The following RPL22 variants were observed in gnomAD, a reference collection of about 807,000 sequenced individuals.
RPL22 encodes the protein ribosomal protein L22, also known as large ribosomal subunit protein eL22.
A neutral mutation model predicts 16.2 loss-of-function variants in RPL22; 4 were observed. That is an observed-to-expected ratio of 0.25 (90% CI 0.12 to 0.57). RPL22 has a LOEUF of 0.57. RPL22 is among the 20% of genes least tolerant of loss of function. The pLI is 0.92. For missense variants in RPL22, 83 were observed against 156.1 expected (o/e 0.53, Z 2.49); for synonymous variants, 43 against 54.8 (o/e 0.78, Z 0.95).
At chr1:6,188,871 C>T (rs564841742) in intron 3 of RPL22, among the ~76,000 whole-genome samples, 21 of 152,042 alleles carry the variant, frequency 1.4e-4, no homozygotes, top group South Asian at 8.3e-4. Flanking sequence ...CCTCAACCTC[C>T]GTCTCCCGGG....
intron 2 of RPL22, among the ~76,000 whole-genome samples, chr1:6,197,213 G>A (rs1484998649): frequency 6.6e-6 from 1 of 152,134 alleles, no homozygotes; most frequent in East Asian, 1.9e-4. Flanking sequence ...TGTATTTTTA[G>A]TGGAGACGGG....
rs1327092286 is a variant in RPL22 at position 6,186,243 on chromosome 1, ACAGT to A, written c.*425_*428del. The A allele has an allele frequency of 4.2e-6, 1 of 240,742 alleles. No individual in the cohort carries two copies. The highest frequency in any genetic ancestry group is 2.2e-5 in the African/African-American group (1 of 45,510). 14.9% of individuals were successfully genotyped at this position (240,742 alleles called of 1,614,324 possible). ...TGGCCCAGAAACCCGCATTTTATTG[ACAGT>A]CATTTTCCCACAGAGAATCTTAGAA... On this transcript the variant is annotated 3_prime_UTR_variant, in exon 4 of 4. Coordinates refer to ENST00000234875, the MANE Select transcript of RPL22 (RefSeq NM_000983.4).
At chr1:6,190,960 T>C (rs546173204) in intron 3 of RPL22, among the ~76,000 whole-genome samples, 22 of 152,258 alleles carry the variant, frequency 1.4e-4, no homozygotes, top group African/African-American at 3.1e-4. Context: ...CAGTGGTTCA[T>C]GCCTGTAATC....
chr1:6,186,643 T>G lies in RPL22; in HGVS notation c.*29A>C. ...TGGTTCCCAAGTTTTATTCAAGAAC[T>G]CATACAAAATTTTCCAGATAAATGA... On this transcript the variant is annotated 3_prime_UTR_variant, in exon 4 of 4. Coordinates refer to ENST00000234875, the MANE Select transcript of RPL22 (RefSeq NM_000983.4). 9 of 1,427,180 alleles carry G rather than the reference T, an allele frequency of 6.3e-6. No individual in the cohort carries two copies. The highest frequency in any genetic ancestry group is 8.6e-6 in the Non-Finnish European group (9 of 1,052,274). 88.4% of individuals were successfully genotyped at this position (1,427,180 alleles called of 1,614,324 possible).
intron 3 of RPL22, among the ~76,000 whole-genome samples, chr1:6,190,754 C>G (rs999980772): frequency 6.6e-6 from 1 of 152,186 alleles, no homozygotes; most frequent in Non-Finnish European, 1.5e-5. Flanking sequence ...TAACCTCATC[C>G]TCAAAAACCA....
chr1:6,192,469 G>A (rs1463555399), intron 3 of RPL22, among the ~76,000 whole-genome samples: 2 of 152,076 alleles, frequency 1.3e-5, no homozygotes, highest in Non-Finnish European at 2.9e-5. Context: ...AAGCCAAGGC[G>A]GGTGGATCAC....
chr1:6,190,988 C>G (rs917882047), intron 3 of RPL22, among the ~76,000 whole-genome samples: 12 of 152,098 alleles, frequency 7.9e-5, no homozygotes, highest in African/African-American at 2.9e-4. Flanking sequence ...TTTTGGGAGG[C>G]CAAGGCAGGT....
At chr1:6,191,823 C>T (rs983286513) in intron 3 of RPL22, among the ~76,000 whole-genome samples, 10 of 151,954 alleles carry the variant, frequency 6.6e-5, no homozygotes, top group African/African-American at 2.4e-4. Context: ...CATGGCAAAA[C>T]TCTGTCTCTA....
Position 6,193,166 on chromosome 1 carries a change from GAC to G in RPL22, c.118-114_118-113del, listed in dbSNP as rs1184295354. ...TATCATTTTTTGTTTTGGTTTTGGA[GAC>G]AGAGTCTCACCAGCGCAATCACAGC... On this transcript the variant is annotated intron_variant, in intron 2 of 3. Coordinates refer to ENST00000234875, the MANE Select transcript of RPL22 (RefSeq NM_000983.4). The G allele has an allele frequency of 5.3e-6, 7 of 1,324,290 alleles. No individual in the cohort carries two copies. In the East Asian group the frequency reaches 1.6e-4, roughly 31 times the overall value. The allele number at this position is 1,324,290 out of a possible 1,614,324, so 82.0% of individuals were successfully genotyped here.
At chr1:6,199,357 C>G in intron 1 of RPL22, 2 of 1,310,372 alleles carry the variant, frequency 1.5e-6, no homozygotes, top group Non-Finnish European at 2.0e-6. Context: ...CCTCCCGGAT[C>G]TCCCTCACGA....
chr1:6,199,460 A>AC, intron 1 of RPL22, 102 bp downstream of exon 1: 12 of 1,492,962 alleles, frequency 8.0e-6, no homozygotes, highest in Non-Finnish European at 1.1e-5. Context: ...CCCCAGCAGG[A>AC]CGCTGCAGGG....
At chr1:6,188,516 C>A (rs1187342419) in intron 3 of RPL22, among the ~76,000 whole-genome samples, 1 of 151,706 alleles carries the variant, frequency 6.6e-6, no homozygotes, top group Non-Finnish European at 1.5e-5. Context: ...ATAGCAAGAC[C>A]CTGTCTCTAC....
In RPL22 at chr1:6,185,191, G is replaced by A; in HGVS notation, c.*1481C>T. Reference sequence around the variant, plus strand: ...AACTGAAATGCCAACTTCAGCCCAGGGTTTTTTCACAACCAAACTAAAAAT... The same window carrying A: ...AACTGAAATGCCAACTTCAGCCCAGAGTTTTTTCACAACCAAACTAAAAAT... On this transcript the variant is annotated 3_prime_UTR_variant, in exon 4 of 4. Coordinates refer to ENST00000234875, the MANE Select transcript of RPL22 (RefSeq NM_000983.4). 2.5e-6 allele frequency: 1 copy of A among 397,050 alleles called. No individual in the cohort carries two copies. Among genetic ancestry groups the A allele is most frequent in the Non-Finnish European group, 4.4e-6 (1 of 225,472 alleles). 24.6% of individuals were successfully genotyped at this position (397,050 alleles called of 1,614,324 possible). A position where few individuals can be genotyped will look rare whatever the true frequency, so the allele number is the denominator to read the frequency against.
rs138031347 is a variant in RPL22 at position 6,186,699 on chromosome 1, G to A, written c.360C>T (p.Asp120=). ...AATCCTCGTCTTCCTCCTCTTCTTC[G>A]TCCTGGTTAATCTGGAAGTAACGTA... ...YELRYFQINQ[D]EEEEEDED is the part of the protein sequence containing the mutation. The change falls in exon 4 of 4, where the codon GAC becomes GAT. Residue 120 remains aspartate (D), a synonymous_variant. Coordinates refer to ENST00000234875, the MANE Select transcript of RPL22 (RefSeq NM_000983.4). The A allele has an allele frequency of 2.2e-5, 34 of 1,576,368 alleles. No homozygotes were observed. Among genetic ancestry groups the A allele is most frequent in the Middle Eastern group, 2.1e-4 (1 of 4,738 alleles).
chr1:6,198,426 C>T (rs1667748773), intron 1 of RPL22: 1 of 152,270 alleles, frequency 6.6e-6, no homozygotes, highest in Non-Finnish European at 1.5e-5. Flanking sequence ...TCCAAACCAC[C>T]CGGCAAAGCA....
intron 1 of RPL22, 37 bp downstream of exon 1, chr1:6,199,525 C>G (rs777643906): frequency 6.4e-7 from 1 of 1,553,504 alleles, no homozygotes. Context: ...CCACGTGCCT[C>G]CCCTGGAGCC....
At chr1:6,191,359 CAAAAAAAA>C in intron 3 of RPL22, among the ~76,000 whole-genome samples, 1 of 32,422 alleles carries the variant, frequency 3.1e-5, no homozygotes, top group East Asian at 1.1e-3. Flanking sequence ...GACTCCGTCT[CAAAAAAAA>C]AAAAAAAAAA....
chr1:6,196,485 A>G (rs889806468), intron 2 of RPL22, among the ~76,000 whole-genome samples: 4 of 152,244 alleles, frequency 2.6e-5, no homozygotes, highest in African/African-American at 9.6e-5. Context: ...ATTCGTGACC[A>G]TAATTATTTT....
chr1:6,195,274 T>A (rs1557574880), intron 2 of RPL22, among the ~76,000 whole-genome samples: 1 of 150,866 alleles, frequency 6.6e-6, no homozygotes. Flanking sequence ...TGAAACTCTG[T>A]CTCTACTAAA....
Sources: gnomAD v4.1 joint callset for allele counts (sites outside exome capture counted in the v4.1 genomes callset) on GRCh38, gnomAD v4.1.1 for gene constraint, MANE v1.5 for transcripts, NCBI Gene and HGNC (gene_info 2026-07-23, HGNC 2026-07-21) for gene names.